C6orf58: variants seen among roughly 807,000 people sequenced by gnomAD.
The protein encoded by C6orf58 is chromosome 6 open reading frame 58.
In C6orf58, 30 loss-of-function variants were observed where a neutral mutation model predicts 37.0. The ratio of observed to expected loss-of-function variants is 0.81; its 90% CI spans 0.61 to 1.10. C6orf58 has a LOEUF of 1.10. Among genes scored for constraint, C6orf58 ranks in the 50% least tolerant of loss-of-function variants. The pLI, the probability that C6orf58 is intolerant of heterozygous loss-of-function variation, is 0.00. For missense variants in C6orf58, 368 were observed against 387.5 expected (o/e 0.95, Z 0.42); for synonymous variants, 143 against 134.1 (o/e 1.07, Z -0.46).
intron 3 of C6orf58, 42 bp from the exon 4 acceptor site, chr6:127,581,140 A>G (rs746547479): frequency 2.2e-6 from 2 of 909,118 alleles, no homozygotes; most frequent in Non-Finnish European, 3.3e-6. Context: ...GAAGGATTTT[A>G]TAGTTGCTCA....
intron 4 of C6orf58, 26 bp downstream of exon 4, chr6:127,581,308 C>T: frequency 9.8e-7 from 1 of 1,023,550 alleles, no homozygotes; most frequent in Non-Finnish European, 1.4e-6. Flanking sequence ...TAAAGTATCT[C>T]TATTTAATAT....
chr6:127,591,760 A>T lies in C6orf58; in HGVS notation c.*138A>T, dbSNP rs530111857. ...TTTCTGATATTTTTGATTTATGCTT[A>T]TTTGTTAAGATCTTGTACATGTATT... On this transcript the variant is annotated 3_prime_UTR_variant, in exon 6 of 6. Coordinates refer to ENST00000329722, the MANE Select transcript of C6orf58 (RefSeq NM_001010905.3). The T allele has an allele frequency of 3.0e-5, 22 of 732,198 alleles. No homozygotes were observed. Among genetic ancestry groups the T allele is most frequent in the African/African-American group, 9.2e-5 (5 of 54,412 alleles). The allele number at this position is 732,198 out of a possible 1,614,324, so 45.4% of individuals were successfully genotyped here. A position where few individuals can be genotyped will look rare whatever the true frequency, so the allele number is the denominator to read the frequency against.
At chr6:127,581,910 C>A (rs146098826) in intron 4 of C6orf58, among the ~76,000 whole-genome samples, 1 of 152,158 alleles carries the variant, frequency 6.6e-6, no homozygotes, top group Non-Finnish European at 1.5e-5. Context: ...GGCTGAGACC[C>A]ATATTTGTTA....
rs139803049 is a variant in C6orf58, at chr6:127,581,242, A to T, written c.634A>T (p.Thr212Ser). Residue 212 changes from threonine to serine, a missense_variant, in exon 4 of 6, where the codon ACT becomes TCT. Coordinates refer to ENST00000329722, the MANE Select transcript of C6orf58 (RefSeq NM_001010905.3). ...GTTGAAGTACTTATGGGCTGCACACACTTCAACCTTGGCAGATAATATCAA... is the reference window on the plus strand; with the variant it reads ...GTTGAAGTACTTATGGGCTGCACACTCTTCAACCTTGGCAGATAATATCAA... ...DLLKYLWAAH[T>S]STLADNIKSF... The T allele has an allele frequency of 7.3e-5, 112 of 1,535,694 alleles. No individual in the cohort carries two copies. The African/African-American group carries it at 1.5e-3, about 20-fold the overall frequency.
chr6:127,590,192 T>G lies in C6orf58; in HGVS notation c.780T>G (p.Tyr260Ter). ...TTCCTACAACCTTGATTAGATCATATAAGTTCCAGAAGGGCATGCCACCAC... is the reference window on the plus strand; with the variant it reads ...TTCCTACAACCTTGATTAGATCATAGAAGTTCCAGAAGGGCATGCCACCAC... ...VLFPTTLIRS[Y>*]KFQKGMPPRI... The change falls in exon 5 of 6, where the codon TAT becomes TAG. Residue 260 changes from tyrosine (Y) to a stop codon, truncating the protein, a stop_gained. Transcript: ENST00000329722. LOFTEE classifies it high-confidence loss of function. 6.2e-7 allele frequency: 1 copy of G among 1,613,878 alleles called. No individual in the cohort carries two copies.
At chr6:127,577,616 A>C (rs137940977) in intron 1 of C6orf58, 130 bp downstream of exon 1, 3 of 781,936 alleles carry the variant, frequency 3.8e-6, no homozygotes, top group Admixed American at 5.2e-5. Context: ...CTTTTCCCTT[A>C]TAATCATTGT....
intron 4 of C6orf58, among the ~76,000 whole-genome samples, chr6:127,588,397 T>G (rs1431809585): frequency 6.6e-6 from 1 of 152,206 alleles, no homozygotes; most frequent in Non-Finnish European, 1.5e-5. Flanking sequence ...GGAGAACAAC[T>G]GGGGCCATGG....
At chr6:127,586,585 T>G (rs951190571) in intron 4 of C6orf58, among the ~76,000 whole-genome samples, 10 of 152,234 alleles carry the variant, frequency 6.6e-5, no homozygotes, top group African/African-American at 2.4e-4. Flanking sequence ...TTGGAGGATC[T>G]CTGGGGACCC....
At chr6:127,587,511 T>C (rs1775119411) in intron 4 of C6orf58, among the ~76,000 whole-genome samples, 1 of 152,198 alleles carries the variant, frequency 6.6e-6, no homozygotes, top group Non-Finnish European at 1.5e-5. Flanking sequence ...AAATACCTGC[T>C]TATGTGCTCT....
intron 3 of C6orf58, 81 bp from the exon 4 acceptor site, chr6:127,581,101 T>C (rs938676440): frequency 5.1e-6 from 3 of 583,590 alleles, no homozygotes; most frequent in Non-Finnish European, 8.5e-6. Context: ...ATTGCTAAAA[T>C]ATATCTGAAC....
At chr6:127,589,391 G>A (rs1159893564) in intron 4 of C6orf58, among the ~76,000 whole-genome samples, 1 of 152,178 alleles carries the variant, frequency 6.6e-6, no homozygotes, top group Non-Finnish European at 1.5e-5. Context: ...AGCATGCTTA[G>A]ACAGCTCATA....
intron 5 of C6orf58, among the ~76,000 whole-genome samples, chr6:127,590,941 A>G (rs950735458): frequency 6.6e-6 from 1 of 152,182 alleles, no homozygotes; most frequent in Admixed American, 6.5e-5. Context: ...TTTTCAAAGC[A>G]AAAACATCAA....
rs572839228 is a variant in C6orf58 at position 127,584,095 on chromosome 6, C to T, written c.674+2813C>T. 6.6e-5 allele frequency among the ~76,000 whole-genome samples: 10 copies of T among 152,258 alleles called. No homozygotes were observed. In the East Asian group the frequency reaches 1.9e-3, roughly 29 times the overall value. The stretch of plus-strand genomic sequence containing the variant: ...AGTGCCTATATTGCTAGAGATGTTT[C>T]CAGGAATGCCCTATAAGGACATTTT... On this transcript the variant is annotated intron_variant, in intron 4 of 5. Transcript: ENST00000329722.
intron 4 of C6orf58, 41 bp downstream of exon 4, chr6:127,581,323 A>C (rs747578499): frequency 3.3e-6 from 3 of 900,412 alleles, no homozygotes. Flanking sequence ...TAATATGATA[A>C]ATAATTTTGG....
chr6:127,585,623 AG>A (rs1246430633), intron 4 of C6orf58, among the ~76,000 whole-genome samples: 1 of 152,242 alleles, frequency 6.6e-6, no homozygotes, highest in African/African-American at 2.4e-5. Context: ...AACTTTTCAC[AG>A]TGTCATACTA....
chr6:127,586,194 A>G (rs1421262042), intron 4 of C6orf58, among the ~76,000 whole-genome samples: 2 of 152,192 alleles, frequency 1.3e-5, no homozygotes, highest in Non-Finnish European at 2.9e-5. Flanking sequence ...TCAGTGTGGC[A>G]CAAAATATGT....
rs766269794 is a variant in C6orf58, at chr6:127,581,250, C to T, written c.642C>T (p.Thr214=). The change falls in exon 4 of 6, where the codon ACC becomes ACT. Residue 214 remains threonine, a synonymous_variant. Transcript: ENST00000329722. ...LKYLWAAHTS[T]LADNIKSFED... ...ACTTATGGGCTGCACACACTTCAACCTTGGCAGATAATATCAAAAGTTTTG... is the reference window on the plus strand; with the variant it reads ...ACTTATGGGCTGCACACACTTCAACTTTGGCAGATAATATCAAAAGTTTTG... 6.6e-7 allele frequency: 1 copy of T among 1,523,386 alleles called. No homozygotes were observed. Among genetic ancestry groups the T allele is most frequent in the Admixed American group, 1.9e-5 (1 of 53,260 alleles). The allele number at this position is 1,523,386 out of a possible 1,614,324, so 94.4% of individuals were successfully genotyped here.
intron 4 of C6orf58, among the ~76,000 whole-genome samples, chr6:127,581,500 C>T (rs573760089): frequency 3.9e-4 from 55 of 142,158 alleles, no homozygotes; most frequent in African/African-American, 1.5e-3. Flanking sequence ...AAAAAAAAGC[C>T]TTGCATGAAA....
intron 4 of C6orf58, 126 bp from the exon 5 acceptor site, chr6:127,589,961 C>G (rs537886316): frequency 3.0e-6 from 2 of 664,894 alleles, no homozygotes; most frequent in Non-Finnish European, 5.1e-6. Context: ...CAATATCAAG[C>G]CTATTTTCTA....
Sources: gnomAD v4.1 joint callset for allele counts (sites outside exome capture counted in the v4.1 genomes callset) on GRCh38, gnomAD v4.1.1 for gene constraint, MANE v1.5 for transcripts, NCBI Gene and HGNC (gene_info 2026-07-23, HGNC 2026-07-21) for gene names.